AK7: variants seen among roughly 807,000 people sequenced by gnomAD.
AK7 encodes adenylate kinase 7.
Under a neutral mutation model 96.6 loss-of-function variants are expected in AK7, and 78 were observed. The ratio of observed to expected loss-of-function variants is 0.81; its 90% CI spans 0.67 to 0.97. AK7 has a LOEUF of 0.97. Ranked by LOEUF, AK7 falls within the 50% of genes least tolerant of loss-of-function variation. The probability of loss-of-function intolerance (pLI) is 0.00; values close to 1 mark genes in which losing one functional copy is unlikely to be tolerated. For missense variants in AK7, 855 were observed against 887.9 expected (o/e 0.96, Z 0.47); for synonymous variants, 302 against 317.2 (o/e 0.95, Z 0.51).
chr14:96,458,742 C>CAA (rs1010974357), intron 12 of AK7, among the ~76,000 whole-genome samples: 106 of 89,892 alleles, frequency 1.2e-3, no homozygotes, highest in East Asian at 2.8e-3. Flanking sequence ...AACTCTGTCT[C>CAA]AAAAAAAAAA....
intron 17 of AK7, 48 bp from the exon 18 acceptor site, chr14:96,488,257 A>G (rs775603486): frequency 6.6e-7 from 1 of 1,520,818 alleles, no homozygotes; most frequent in Non-Finnish European, 9.1e-7. Flanking sequence ...CAAATACATG[A>G]CTAATAATAA....
intron 15 of AK7, among the ~76,000 whole-genome samples, chr14:96,480,660 A>G (rs1895458125): frequency 6.6e-6 from 1 of 152,184 alleles, no homozygotes; most frequent in Non-Finnish European, 1.5e-5. Context: ...AGTGATTGTC[A>G]TCTTTTCAGT....
chr14:96,437,013 T>C (rs1892674590), intron 5 of AK7, among the ~76,000 whole-genome samples: 1 of 141,214 alleles, frequency 7.1e-6, no homozygotes, highest in African/African-American at 2.7e-5. Flanking sequence ...AAAGATGGTA[T>C]TTTGAGCTTA....
rs192792306 is a variant in AK7 at position 96,417,038 on chromosome 14, G to A, written c.499-3784G>A. On this transcript the variant is annotated intron_variant, in intron 4 of 17. Coordinates refer to ENST00000267584, the MANE Select transcript of AK7 (RefSeq NM_152327.5). ...GAATGTGACCATTTCCCTGGCAGCC[G>A]TTGAAGACAAAGGGTAGGGCAAATC... 9.8e-4 allele frequency among the ~76,000 whole-genome samples: 150 copies of A among 152,328 alleles called. 1 individual carries two copies. Among genetic ancestry groups the A allele is most frequent in the Non-Finnish European group, 1.9e-3 (126 of 68,040 alleles).
At chr14:96,478,747 G>A in intron 15 of AK7, 85 bp downstream of exon 15, 1 of 1,328,050 alleles carries the variant, frequency 7.5e-7, no homozygotes, top group South Asian at 1.3e-5. Flanking sequence ...GTGGGGCTGG[G>A]GGGAGGGTGG....
chr14:96,455,026 G>T (rs1214848771), intron 10 of AK7, among the ~76,000 whole-genome samples: 2 of 151,966 alleles, frequency 1.3e-5, no homozygotes, highest in African/African-American at 2.4e-5. Flanking sequence ...AATTAGCTGG[G>T]TGTGGTGGCG....
chr14:96,484,382 A>C (rs1272492406), intron 16 of AK7, among the ~76,000 whole-genome samples: 1 of 152,162 alleles, frequency 6.6e-6, no homozygotes, highest in African/African-American at 2.4e-5. Context: ...CTCCATCTCC[A>C]GTCTGTTCCT....
chr14:96,427,680 C>T (rs150699096), intron 5 of AK7, among the ~76,000 whole-genome samples: 1 of 152,268 alleles, frequency 6.6e-6, no homozygotes, highest in East Asian at 1.9e-4. Flanking sequence ...AGAAGTTCTC[C>T]ACTATTGTCC....
intron 10 of AK7, among the ~76,000 whole-genome samples, chr14:96,455,717 A>G (rs1251356701): frequency 6.6e-6 from 1 of 152,088 alleles, no homozygotes; most frequent in Non-Finnish European, 1.5e-5. Context: ...ACATCTTCTT[A>G]TGTGGCCCTA....
At chr14:96,465,100 G>A (rs903123760) in intron 12 of AK7, among the ~76,000 whole-genome samples, 3 of 152,154 alleles carry the variant, frequency 2.0e-5, no homozygotes, top group Admixed American at 6.6e-5. Flanking sequence ...CAACAATTCA[G>A]TGAGTTTACT....
chr14:96,394,602 G>A (rs578117248), intron 1 of AK7, among the ~76,000 whole-genome samples: 2 of 152,314 alleles, frequency 1.3e-5, no homozygotes, highest in South Asian at 4.1e-4. Context: ...GGATGGCCTT[G>A]GCCAGGAGTT....
At chr14:96,407,366 T>C (rs1404405066) in intron 3 of AK7, among the ~76,000 whole-genome samples, 1 of 152,186 alleles carries the variant, frequency 6.6e-6, no homozygotes, top group African/African-American at 2.4e-5. Flanking sequence ...TACGTGATCA[T>C]AGTGTTCTTA....
chr14:96,398,816 C>T (rs778909574), intron 2 of AK7: 21 of 159,870 alleles, frequency 1.3e-4, no homozygotes, highest in Middle Eastern at 3.1e-3. Flanking sequence ...GCTGTCTCCA[C>T]GTGACAAATT....
In AK7 at chr14:96,487,031, G is replaced by A. The variant is rs868516449; in HGVS notation, c.2108G>A (p.Arg703Gln). ...IQGLNECCNV[R>Q]PEDPVDFLAE... ...GGCCTGAATGAATGTTGCAACGTCC[G>A]ACCCGAAGACCCTGTTGATTTTCTG... The change falls in exon 17 of 18, where the codon CGA (arginine) becomes CAA (glutamine). Residue 703 changes from arginine (R) to glutamine (Q), a missense_variant. Coordinates refer to ENST00000267584, the MANE Select transcript of AK7 (RefSeq NM_152327.5). The A allele has an allele frequency of 6.2e-7, 1 of 1,613,896 alleles. No individual in the cohort carries two copies. The highest frequency in any genetic ancestry group is 1.7e-5 in the Admixed American group (1 of 59,962).
intron 5 of AK7, among the ~76,000 whole-genome samples, chr14:96,424,633 A>G (rs948658437): frequency 1.3e-5 from 2 of 152,190 alleles, no homozygotes; most frequent in Non-Finnish European, 2.9e-5. Flanking sequence ...TCGGTCCTAT[A>G]AAAAACACTT....
intron 16 of AK7, among the ~76,000 whole-genome samples, chr14:96,486,600 A>C (rs1895783268): frequency 6.6e-6 from 1 of 151,428 alleles, no homozygotes; most frequent in Non-Finnish European, 1.5e-5. Context: ...TGCACATGTC[A>C]CTATCCCAAT....
At chr14:96,421,958 C>A (rs1395623710) in intron 5 of AK7, among the ~76,000 whole-genome samples, 1 of 152,180 alleles carries the variant, frequency 6.6e-6, no homozygotes, top group African/African-American at 2.4e-5. Flanking sequence ...TGCAAAGGGG[C>A]TATCTCTTTG....
At chr14:96,458,656 T>G (rs1276919346) in intron 12 of AK7, among the ~76,000 whole-genome samples, 3 of 150,896 alleles carry the variant, frequency 2.0e-5, no homozygotes, top group African/African-American at 7.3e-5. Flanking sequence ...GCAGGACAAT[T>G]GCTTGAACCT....
In AK7 at chr14:96,456,360, G is replaced by T; in HGVS notation, c.1112G>T (p.Cys371Phe). The change falls in exon 11 of 18, where the codon TGC becomes TTC. Residue 371 changes from cysteine to phenylalanine, a missense_variant. Transcript: ENST00000267584. Reference sequence around the variant, plus strand: ...CTCCTCTTTCAGCCAATCAAGATCTGCATTCTTGGTCCCCCTGCTGTGGGA... The same window carrying T: ...CTCCTCTTTCAGCCAATCAAGATCTTCATTCTTGGTCCCCCTGCTGTGGGA... ...QSRGLMPIKI[C>F]ILGPPAVGKS... 2 of 1,610,828 alleles carry T rather than the reference G, an allele frequency of 1.2e-6. No individual in the cohort carries two copies. Among genetic ancestry groups the T allele is most frequent in the South Asian group, 1.1e-5 (1 of 90,968 alleles).
Sources: allele counts gnomAD v4.1 joint callset (sites outside exome capture counted in the v4.1 genomes callset), GRCh38; gene constraint gnomAD v4.1.1; transcripts MANE v1.5; gene names NCBI Gene and HGNC (gene_info 2026-07-23, HGNC 2026-07-21).